Variants in DLG2 observed in about 807,000 individuals in gnomAD.
DLG2 encodes disks large homolog 2.
A neutral mutation model predicts 132.5 loss-of-function variants in DLG2; 45 were observed. The observed-to-expected ratio is 0.34, with a 90% CI of 0.27 to 0.44. The LOEUF (loss-of-function observed/expected upper bound fraction) is 0.44, where lower values mean the gene tolerates loss of function less well. Ranked by LOEUF, DLG2 falls within the 20% of genes least tolerant of loss-of-function variation. The pLI is 1.00. For missense variants in DLG2, 1,045 were observed against 1,196.9 expected (o/e 0.87, Z 1.87); for synonymous variants, 424 against 419.6 (o/e 1.01, Z -0.13).
At chr11:85,061,085 T>C (rs1003600419) in intron 6 of DLG2, among the ~76,000 whole-genome samples, 1 of 151,756 alleles carries the variant, frequency 6.6e-6, no homozygotes, top group Non-Finnish European at 1.5e-5. Context: ...TTAATTTTTT[T>C]GCTTTTGAGT....
At chr11:83,573,674 T>C in intron 19 of DLG2, among the ~76,000 whole-genome samples, 1 of 152,130 alleles carries the variant, frequency 6.6e-6, no homozygotes, top group Non-Finnish European at 1.5e-5. Context: ...GGGCATTTTA[T>C]TATTTATTTT....
chr11:84,996,389 A>C (rs1382888946), intron 6 of DLG2, among the ~76,000 whole-genome samples: 1 of 151,686 alleles, frequency 6.6e-6, no homozygotes, highest in East Asian at 1.9e-4. Flanking sequence ...CTTATATTTT[A>C]TTTATCTTAA....
chr11:84,095,023 ATTT>A, intron 10 of DLG2, among the ~76,000 whole-genome samples: 1 of 152,236 alleles, frequency 6.6e-6, no homozygotes, highest in South Asian at 2.1e-4. Context: ...CACCATACCT[ATTT>A]TTTAAAAATG....
chr11:83,681,302 T>A (rs117221999), intron 18 of DLG2, among the ~76,000 whole-genome samples: 10 of 152,272 alleles, frequency 6.6e-5, no homozygotes, highest in Non-Finnish European at 1.3e-4. Flanking sequence ...TTCCTATAGT[T>A]AGCTGACCAG....
chr11:83,836,272 C>A (rs1215429185), intron 16 of DLG2, among the ~76,000 whole-genome samples: 1 of 152,162 alleles, frequency 6.6e-6, no homozygotes, highest in Non-Finnish European at 1.5e-5. Flanking sequence ...CATCCAGAAA[C>A]ACCCTCACAG....
At chr11:83,597,096 T>C (rs899076264) in intron 19 of DLG2, among the ~76,000 whole-genome samples, 3 of 152,172 alleles carry the variant, frequency 2.0e-5, no homozygotes, top group East Asian at 1.9e-4. Context: ...AGTTCAGTCA[T>C]TGCCAAGGCT....
intron 14 of DLG2, among the ~76,000 whole-genome samples, chr11:83,932,745 A>T (rs1342139972): frequency 1.3e-5 from 2 of 152,062 alleles, no homozygotes; most frequent in East Asian, 1.9e-4. Flanking sequence ...GGGAAATTTT[A>T]AAAAACCTTC....
intron 6 of DLG2, among the ~76,000 whole-genome samples, chr11:84,775,828 C>G (rs2070372642): frequency 6.6e-6 from 1 of 152,006 alleles, no homozygotes; most frequent in Non-Finnish European, 1.5e-5. Context: ...TTAATTGTAC[C>G]ATAAACCTCA....
At chr11:84,162,333 T>C (rs1476725226) in intron 9 of DLG2, among the ~76,000 whole-genome samples, 1 of 152,060 alleles carries the variant, frequency 6.6e-6, no homozygotes, top group Non-Finnish European at 1.5e-5. Context: ...TATTATATTA[T>C]ATAGCTTTGT....
intron 6 of DLG2, among the ~76,000 whole-genome samples, chr11:84,889,281 A>G (rs1160342080): frequency 1.3e-5 from 2 of 152,188 alleles, no homozygotes; most frequent in African/African-American, 4.8e-5. Context: ...TAGCAAATAG[A>G]ATAAACAGTA....
chr11:85,199,005 G>A (rs1047204700), intron 4 of DLG2, among the ~76,000 whole-genome samples: 2 of 152,052 alleles, frequency 1.3e-5, no homozygotes, highest in Non-Finnish European at 2.9e-5. Context: ...GAACTAGTTG[G>A]CAGTACTATA....
chr11:83,609,016 T>C (rs1216677619), intron 19 of DLG2, among the ~76,000 whole-genome samples: 1 of 152,112 alleles, frequency 6.6e-6, no homozygotes, highest in Non-Finnish European at 1.5e-5. Context: ...AAGCCCCCCT[T>C]TAAAGTAAAA....
At chr11:84,257,861 A>G (rs958137160) in intron 7 of DLG2, among the ~76,000 whole-genome samples, 4 of 151,314 alleles carry the variant, frequency 2.6e-5, no homozygotes, top group Admixed American at 2.6e-4. Context: ...TAATTTTTGT[A>G]TTTTTTATAG....
At chr11:85,453,240 T>C in intron 3 of DLG2, 1 of 366,172 alleles carries the variant, frequency 2.7e-6, no homozygotes, top group Admixed American at 3.8e-5. Flanking sequence ...TGGTCCAGTG[T>C]TAGTAAACAC....
intron 6 of DLG2, among the ~76,000 whole-genome samples, chr11:84,781,210 G>T (rs932313756): frequency 1.5e-4 from 23 of 151,956 alleles, no homozygotes; most frequent in Admixed American, 1.3e-4. Context: ...TAAACAAATA[G>T]TTTGTAGAAA....
In DLG2 at chr11:84,004,868, C is replaced by T. The variant is rs1432365633; in HGVS notation, c.920-24226G>A. Among the ~76,000 whole-genome samples, 4 of 147,880 alleles carry T rather than the reference C, an allele frequency of 2.7e-5. No homozygotes were observed. The East Asian group carries it at 7.9e-4, about 29-fold the overall frequency. On this transcript the variant is annotated intron_variant, in intron 11 of 27. Coordinates refer to ENST00000376104, the MANE Select transcript of DLG2 (RefSeq NM_001142699.3). ...AACTTCCCAAAGCAATCTACAGATTCAATGCAATCCCTATAAAAATACCAG... is the reference window on the plus strand; with the variant it reads ...AACTTCCCAAAGCAATCTACAGATTTAATGCAATCCCTATAAAAATACCAG...
chr11:83,873,915 G>A (rs2063994445), intron 16 of DLG2, among the ~76,000 whole-genome samples: 2 of 152,136 alleles, frequency 1.3e-5, no homozygotes, highest in South Asian at 4.1e-4. Context: ...CTCCTATAGA[G>A]TGTAATGCTT....
chr11:84,286,343 G>C (rs2097909779), intron 7 of DLG2, among the ~76,000 whole-genome samples: 1 of 152,064 alleles, frequency 6.6e-6, no homozygotes, highest in Admixed American at 6.6e-5. Flanking sequence ...CATGTAATAG[G>C]AGTGCAAGGG....
At chr11:84,792,194 TG>T (rs1332282040) in intron 6 of DLG2, among the ~76,000 whole-genome samples, 3 of 152,216 alleles carry the variant, frequency 2.0e-5, no homozygotes, top group Non-Finnish European at 2.9e-5. Flanking sequence ...AAAGATCATG[TG>T]GTTTTTGTCC....
Sources: gnomAD v4.1 joint callset for allele counts (sites outside exome capture counted in the v4.1 genomes callset) on GRCh38, gnomAD v4.1.1 for gene constraint, MANE v1.5 for transcripts, NCBI Gene and HGNC (gene_info 2026-07-23, HGNC 2026-07-21) for gene names.